The following DGKD variants were observed in gnomAD, a reference collection of about 807,000 sequenced individuals.
The protein encoded by DGKD is diacylglycerol kinase delta, also known as DAG kinase delta.
In DGKD, 68 loss-of-function variants were observed where a neutral mutation model predicts 154.4. The ratio of observed to expected loss-of-function variants is 0.44; its 90% CI spans 0.36 to 0.54. DGKD has a LOEUF of 0.54. Among genes scored for constraint, DGKD ranks in the 20% least tolerant of loss-of-function variants. DGKD has a pLI of 0.00. For missense variants in DGKD, 1,343 were observed against 1,593.6 expected, an observed-to-expected ratio of 0.84 and a Z score of 2.68; for synonymous variants, 693 against 638.0, an observed-to-expected ratio of 1.09 and a Z score of -1.30.
In DGKD at chr2:233,452,574, G is replaced by A. The variant is rs2124886751; in HGVS notation, c.2264+514G>A. Among the ~76,000 whole-genome samples, 1 of 152,292 alleles carries A rather than the reference G, an allele frequency of 6.6e-6. No individual in the cohort carries two copies. The highest frequency in any genetic ancestry group is 1.9e-4 in the East Asian group (1 of 5,172). ...CTCCCTTGTGTCTCCGAGCACCTTA[G>A]GGAGACACTAGCCTGTGCTGAGGCT... On this transcript the variant is annotated intron_variant, in intron 18 of 29. Transcript: ENST00000264057. This position sits in a 1 kb window ranked among gnomAD's most constrained non-coding sequence, Gnocchi z 4.0.
intron 1 of DGKD, among the ~76,000 whole-genome samples, chr2:233,383,044 C>CT (rs1295590779): frequency 0.031 from 4,410 of 141,536 alleles, 214 homozygotes; most frequent in African/African-American, 0.11. Flanking sequence ...TTCTTTCTTT[C>CT]TTTTTTTTTT....
chr2:233,381,498 C>T (rs1489159990), intron 1 of DGKD, among the ~76,000 whole-genome samples: 5 of 152,084 alleles, frequency 3.3e-5, no homozygotes, highest in Admixed American at 2.6e-4. Flanking sequence ...ATCCTCTGGC[C>T]CTCAGTTTCG....
chr2:233,465,867 A>G (rs2063807626), intron 27 of DGKD, among the ~76,000 whole-genome samples: 1 of 151,904 alleles, frequency 6.6e-6, no homozygotes. Context: ...CCTAATAAAA[A>G]TTTATGATAC....
At chr2:233,380,446 C>T (rs961437301) in intron 1 of DGKD, among the ~76,000 whole-genome samples, 7 of 152,182 alleles carry the variant, frequency 4.6e-5, no homozygotes, top group Non-Finnish European at 8.8e-5. Flanking sequence ...ATGGCTGCTG[C>T]AGCACTAAAT....
rs970723131 is a variant in DGKD at position 233,424,677 on chromosome 2, C to G, written c.349-9703C>G. Among the ~76,000 whole-genome samples the G allele has an allele frequency of 9.2e-5, 14 of 152,276 alleles. No individual in the cohort carries two copies. In the East Asian group the frequency reaches 2.1e-3, roughly 23 times the overall value. ...TGGAGGTCCAGGGCTCCGCCTGGAG[C>G]CCCCCTGCCTGGTGTCCTGGCCACA... On this transcript the variant is annotated intron_variant, in intron 3 of 29. Transcript: ENST00000264057.
In DGKD at chr2:233,471,650, T is replaced by C. The variant is rs1409644921; in HGVS notation, c.*2190T>C. 1 of 152,402 alleles carries C rather than the reference T, an allele frequency of 6.6e-6. No individual in the cohort carries two copies. The highest frequency in any genetic ancestry group is 1.5e-5 in the Non-Finnish European group (1 of 68,040). 9.4% of individuals were successfully genotyped at this position (152,402 alleles called of 1,614,324 possible). A position where few individuals can be genotyped will look rare whatever the true frequency, so the allele number is the denominator to read the frequency against. On this transcript the variant is annotated 3_prime_UTR_variant, in exon 30 of 30. Coordinates refer to ENST00000264057, the MANE Select transcript of DGKD (RefSeq NM_152879.3). Reference sequence around the variant, plus strand: ...CAAGGAGTTGGGTTTGGATCAAAAGTGTTTAAAATTAATATGTTGTCAGTG... The same window carrying C: ...CAAGGAGTTGGGTTTGGATCAAAAGCGTTTAAAATTAATATGTTGTCAGTG...
At chr2:233,447,954 G>C (rs1196929905) in intron 12 of DGKD, 133 bp from the exon 13 acceptor site, 18 of 1,513,434 alleles carry the variant, frequency 1.2e-5, no homozygotes, top group Non-Finnish European at 1.5e-5. Context: ...GGCTGGGTCA[G>C]ACAGTGTCTG....
intron 3 of DGKD, among the ~76,000 whole-genome samples, chr2:233,411,920 T>G (rs2061839976): frequency 6.6e-6 from 1 of 152,218 alleles, no homozygotes; most frequent in Non-Finnish European, 1.5e-5. Context: ...CAAAAGTCAA[T>G]TAACCTTTTA....
At chr2:233,386,270 G>A (rs1703173276) in intron 1 of DGKD, 2 of 297,554 alleles carry the variant, frequency 6.7e-6, no homozygotes, top group Non-Finnish European at 1.3e-5. Flanking sequence ...GGCCTTTGAG[G>A]TCAACAGAGA....
At chr2:233,419,085 G>C (rs1415089915) in intron 3 of DGKD, among the ~76,000 whole-genome samples, 3 of 152,120 alleles carry the variant, frequency 2.0e-5, no homozygotes, top group Admixed American at 2.0e-4. Flanking sequence ...GGGCAGCATC[G>C]GAACAGCAGG....
Position 233,449,387 on chromosome 2 carries a change from T to G in DGKD, c.1888+11T>G. Reference sequence around the variant, plus strand: ...AACACACAGAAAAAGGTAACTGGCCTTGTGATGAGGAGGGGCTTTCCTCAG... The same window carrying G: ...AACACACAGAAAAAGGTAACTGGCCGTGTGATGAGGAGGGGCTTTCCTCAG... On this transcript the variant is annotated intron_variant, in intron 15 of 29. Transcript: ENST00000264057. This position sits in a 1 kb window ranked among gnomAD's most constrained non-coding sequence, Gnocchi z 5.3. 1 of 1,587,238 alleles carries G rather than the reference T, an allele frequency of 6.3e-7. No homozygotes were observed. Among genetic ancestry groups the G allele is most frequent in the Non-Finnish European group, 8.6e-7 (1 of 1,159,250 alleles).
intron 18 of DGKD, among the ~76,000 whole-genome samples, chr2:233,453,491 G>T (rs1245749363): frequency 6.6e-6 from 1 of 152,218 alleles, no homozygotes; most frequent in African/African-American, 2.4e-5. Context: ...CAGCTGTCGG[G>T]CACTTGAATT....
chr2:233,442,069 C>T, intron 10 of DGKD, 74 bp downstream of exon 10: 1 of 1,290,276 alleles, frequency 7.8e-7, no homozygotes, highest in Non-Finnish European at 1.1e-6. Flanking sequence ...GCAGTCTCAG[C>T]TCCTGTTCAT....
rs1257167182 is a variant in DGKD, at chr2:233,463,555, A to G, written c.3187-609A>G. ...ATCTCCTCACTCCACGCATCTCCTCACTCCACGCATCTCCTCACTCCACGC... is the reference window on the plus strand; with the variant it reads ...ATCTCCTCACTCCACGCATCTCCTCGCTCCACGCATCTCCTCACTCCACGC... On this transcript the variant is annotated intron_variant, in intron 26 of 29. Coordinates refer to ENST00000264057, the MANE Select transcript of DGKD (RefSeq NM_152879.3). Among the ~76,000 whole-genome samples, 64 of 125,322 alleles carry G rather than the reference A, an allele frequency of 5.1e-4. 5 individuals are homozygous for G. The highest frequency in any genetic ancestry group is 1.9e-3 in the African/African-American group (51 of 27,496). 82.2% of individuals were successfully genotyped at this position (125,322 alleles called of 152,430 possible). A position where few individuals can be genotyped will look rare whatever the true frequency, so the allele number is the denominator to read the frequency against.
At chr2:233,456,317 A>C (rs1256453734) in intron 19 of DGKD, among the ~76,000 whole-genome samples, 1 of 152,266 alleles carries the variant, frequency 6.6e-6, no homozygotes, top group Non-Finnish European at 1.5e-5. Flanking sequence ...CCACATCTGC[A>C]GAGAGCGTGT....
intron 3 of DGKD, among the ~76,000 whole-genome samples, chr2:233,433,660 G>C (rs2062602313): frequency 6.6e-6 from 1 of 151,908 alleles, no homozygotes; most frequent in Non-Finnish European, 1.5e-5. Flanking sequence ...ATTATTCTGT[G>C]CCTGTATTAG....
intron 26 of DGKD, chr2:233,463,749 G>T: frequency 4.3e-6 from 1 of 231,800 alleles, no homozygotes; most frequent in Non-Finnish European, 8.8e-6. Flanking sequence ...CTTATCCCAT[G>T]CCTCCCCTCG....
At position 233,354,510 on chromosome 2, in the gene DGKD, C is replaced by A; in HGVS notation, c.-9C>A. 3.1e-6 allele frequency: 3 copies of A among 982,644 alleles called. No homozygotes were observed. The highest frequency in any genetic ancestry group is 3.6e-6 in the Non-Finnish European group (3 of 829,908). 60.9% of individuals were successfully genotyped at this position (982,644 alleles called of 1,614,324 possible). On this transcript the variant is annotated 5_prime_UTR_variant, in exon 1 of 30. Coordinates refer to ENST00000264057, the MANE Select transcript of DGKD (RefSeq NM_152879.3). The surrounding 1 kb of genome is among the most constrained non-coding windows in gnomAD (Gnocchi z 4.8). ...CCCCCGCCCGCGGTGCGCGCGCTGG[C>A]CCGGCAGCATGGCGGCGGCGGCGGG...
intron 3 of DGKD, chr2:233,429,145 C>T: frequency 1.0e-6 from 1 of 985,318 alleles, no homozygotes; most frequent in Non-Finnish European, 1.2e-6. Context: ...TCCATCTTCT[C>T]AAACGCTGAG....
Sources: allele counts gnomAD v4.1 joint callset (sites outside exome capture counted in the v4.1 genomes callset), GRCh38; gene constraint gnomAD v4.1.1; non-coding constraint Gnocchi (gnomAD v3.1); transcripts MANE v1.5; gene names NCBI Gene and HGNC (gene_info 2026-07-23, HGNC 2026-07-21).